Variants in GBF1 observed in about 807,000 individuals in gnomAD.
GBF1 encodes the protein golgi brefeldin A resistant guanine nucleotide exchange factor 1.
In GBF1, 114 loss-of-function variants were observed where a neutral mutation model predicts 210.5. That is an observed-to-expected ratio of 0.54 (90% CI 0.47 to 0.63). The LOEUF is 0.63. Among genes scored for constraint, GBF1 ranks in the 30% least tolerant of loss-of-function variants. GBF1 has a pLI of 0.00. For missense variants in GBF1, 1,851 were observed against 2,357.7 expected (o/e 0.79, Z 4.45); for synonymous variants, 850 against 889.2 (o/e 0.96, Z 0.78).
rs2060762241 is a variant in GBF1 at position 102,380,242 on chromosome 10, G to A, written c.4879-7G>A. On this transcript the variant is annotated splice_polypyrimidine_tract_variant and splice_region_variant and intron_variant, in intron 36 of 39. Coordinates refer to ENST00000369983, the MANE Select transcript of GBF1 (RefSeq NM_001377137.1). ...CCCCTCAGCTGAAGGGGGCTGGTGG[G>A]CCATAGGTCTTCCTGCAGCACCTGT... The A allele has an allele frequency of 2.5e-6, 4 of 1,597,128 alleles. No individual in the cohort carries two copies. The highest frequency in any genetic ancestry group is 3.4e-6 in the Non-Finnish European group (4 of 1,164,496).
chr10:102,375,247 G>C lies in GBF1; in HGVS notation c.3661-112G>C. ...GAGCAGTATCCTAAATTGGGTCCTA[G>C]CCAAACTGTCTTCACTGGCCTAAGG... On this transcript the variant is annotated intron_variant, in intron 29 of 39. Coordinates refer to ENST00000369983, the MANE Select transcript of GBF1 (RefSeq NM_001377137.1). 6 of 686,442 alleles carry C rather than the reference G, an allele frequency of 8.7e-6. No homozygotes were observed. In the South Asian group the frequency reaches 9.5e-5, roughly 11 times the overall value. The allele number at this position is 686,442 out of a possible 1,614,324, so 42.5% of individuals were successfully genotyped here.
At chr10:102,345,010 G>A (rs575341128) in intron 4 of GBF1, among the ~76,000 whole-genome samples, 127 of 152,036 alleles carry the variant, frequency 8.4e-4, no homozygotes, top group Non-Finnish European at 1.6e-3. Flanking sequence ...AAGGCCGGGT[G>A]CGGTGGCTCA....
At position 102,259,011 on chromosome 10, in the gene GBF1, C is replaced by G. The variant is rs777280189; in HGVS notation, c.73C>G (p.Arg25Gly). The G allele has an allele frequency of 6.3e-7, 1 of 1,586,760 alleles. No homozygotes were observed. The highest frequency in any genetic ancestry group is 8.7e-7 in the Non-Finnish European group (1 of 1,155,246). ...IVVGAIKRNA[R>G]WSTHTPLDEE... Reference sequence around the variant, plus strand: ...GGTTGGGGCCATCAAACGAAATGCCCGATGGAGCACCCATACACCACTGGT... The same window carrying G: ...GGTTGGGGCCATCAAACGAAATGCCGGATGGAGCACCCATACACCACTGGT... The change falls in exon 2 of 40, where the codon CGA becomes GGA. Residue 25 changes from arginine (R) to glycine (G), a missense_variant. Physicochemically the swap from Arg to Gly is moderately radical, Grantham distance 125. Transcript: ENST00000369983.
chr10:102,367,857 G>T (rs1038443989), intron 21 of GBF1, among the ~76,000 whole-genome samples: 2 of 152,198 alleles, frequency 1.3e-5, no homozygotes, highest in Non-Finnish European at 2.9e-5. Flanking sequence ...CAAGATGCTG[G>T]CTGGTAGAGA....
At chr10:102,287,339 A>ATTTTATTTTTTTTTTTTTTTTTT (rs1565062394) in intron 3 of GBF1, among the ~76,000 whole-genome samples, 1 of 65,210 alleles carries the variant, frequency 1.5e-5, no homozygotes, top group Non-Finnish European at 3.0e-5. Flanking sequence ...CTTTTATTTT[A>ATTTTATTTTTTTTTTTTTTTTTT]TTTTCTTTTT....
upstream of GBF1, among the ~76,000 whole-genome samples, chr10:102,241,881 G>A (rs1251329700): frequency 1.3e-5 from 2 of 152,244 alleles, no homozygotes; most frequent in African/African-American, 4.8e-5. The surrounding 1 kb of genome is among the most constrained non-coding windows in gnomAD (Gnocchi z 6.7). Flanking sequence ...CCCGAGGAAA[G>A]TGGATCGGCG....
intron 3 of GBF1, among the ~76,000 whole-genome samples, chr10:102,301,101 T>C (rs2077305150): frequency 1.3e-5 from 2 of 152,054 alleles, no homozygotes; most frequent in South Asian, 4.2e-4. Context: ...CAGAGGTCTC[T>C]GGTTTTCCTA....
At chr10:102,277,784 G>A (rs1302968311) in intron 3 of GBF1, among the ~76,000 whole-genome samples, 11 of 151,558 alleles carry the variant, frequency 7.3e-5, no homozygotes, top group African/African-American at 2.7e-4. Flanking sequence ...ATTTAGCATT[G>A]ATACAATAAT....
intron 3 of GBF1, among the ~76,000 whole-genome samples, chr10:102,336,699 C>G (rs1410706708): frequency 6.6e-6 from 1 of 152,158 alleles, no homozygotes; most frequent in Admixed American, 6.6e-5. Flanking sequence ...ACCTAGAGCC[C>G]TTAGCTTCTA....
chr10:102,244,166 A>C (rs1315162289), upstream of GBF1, among the ~76,000 whole-genome samples: 2 of 152,156 alleles, frequency 1.3e-5, no homozygotes, highest in South Asian at 2.1e-4. Context: ...AAACAAAACA[A>C]AACAAAAAAA....
chr10:102,328,661 C>T (rs1209042366), intron 3 of GBF1, among the ~76,000 whole-genome samples: 1 of 152,120 alleles, frequency 6.6e-6, no homozygotes, highest in Non-Finnish European at 1.5e-5. Context: ...GGAAAGGTTA[C>T]TTATCAGTCC....
At chr10:102,359,623 T>C (rs919965165) in intron 11 of GBF1, among the ~76,000 whole-genome samples, 188 bp downstream of exon 11, 2 of 151,808 alleles carry the variant, frequency 1.3e-5, no homozygotes, top group Non-Finnish European at 2.9e-5. Flanking sequence ...CCCTAACTTA[T>C]ACTACAGGGA....
chr10:102,317,020 A>G (rs1395669568), intron 3 of GBF1, among the ~76,000 whole-genome samples: 1 of 152,230 alleles, frequency 6.6e-6, no homozygotes, highest in Non-Finnish European at 1.5e-5. Flanking sequence ...CAGTGCTCAT[A>G]TTAAGTTTTG....
intron 1 of GBF1, among the ~76,000 whole-genome samples, chr10:102,246,924 A>T (rs548186391): frequency 7.9e-5 from 12 of 152,350 alleles, no homozygotes; most frequent in Admixed American, 5.9e-4. Context: ...GCACTTCTTA[A>T]AAGTAGTAGC....
rs777842025 is a variant in GBF1, at chr10:102,376,919, G to A, written c.4289-16G>A. The A allele has an allele frequency of 5.0e-6, 8 of 1,613,614 alleles. No individual in the cohort carries two copies. Among genetic ancestry groups the A allele is most frequent in the Non-Finnish European group, 5.9e-6 (7 of 1,179,634 alleles). ...ATATAGACACAGAAATGTGACCTGA[G>A]TCTGGCTCTGCTCAGGATGCAAGTC... On this transcript the variant is annotated splice_polypyrimidine_tract_variant and intron_variant, in intron 32 of 39. Coordinates refer to ENST00000369983, the MANE Select transcript of GBF1 (RefSeq NM_001377137.1).
chr10:102,312,745 A>G (rs1019993040), intron 3 of GBF1, among the ~76,000 whole-genome samples: 2 of 152,198 alleles, frequency 1.3e-5, no homozygotes, highest in African/African-American at 4.8e-5. Flanking sequence ...CCCATGAGAC[A>G]CTGCTCCTGG....
chr10:102,326,454 T>C (rs1192259895), intron 3 of GBF1, among the ~76,000 whole-genome samples: 1 of 152,220 alleles, frequency 6.6e-6, no homozygotes, highest in Non-Finnish European at 1.5e-5. Flanking sequence ...TCTTCTGTTC[T>C]TTCTTCATTC....
In GBF1 at chr10:102,250,905, C is replaced by T. The variant is rs888996731; in HGVS notation, c.-11+5124C>T. Among the ~76,000 whole-genome samples, 5 of 151,674 alleles carry T rather than the reference C, an allele frequency of 3.3e-5. No individual in the cohort carries two copies. The East Asian group carries it at 7.7e-4, about 23-fold the overall frequency. Reference sequence around the variant, plus strand: ...CCTGGAGGTGGAGGTTGCAGTGAGCCGAGATTGCGCCACTGCACTCCAGCC... The same window carrying T: ...CCTGGAGGTGGAGGTTGCAGTGAGCTGAGATTGCGCCACTGCACTCCAGCC... On this transcript the variant is annotated intron_variant, in intron 1 of 39. Transcript: ENST00000369983.
chr10:102,373,962 G>C (rs533111019), intron 29 of GBF1, among the ~76,000 whole-genome samples: 1 of 152,170 alleles, frequency 6.6e-6, no homozygotes, highest in Non-Finnish European at 1.5e-5. Context: ...GACATCTCCA[G>C]GGAACTATGC....
Sources: allele counts gnomAD v4.1 joint callset (sites outside exome capture counted in the v4.1 genomes callset), GRCh38; gene constraint gnomAD v4.1.1; non-coding constraint Gnocchi (gnomAD v3.1); transcripts MANE v1.5; gene names NCBI Gene and HGNC (gene_info 2026-07-23, HGNC 2026-07-21).